PPP6C: variants seen among roughly 807,000 people sequenced by gnomAD.
PPP6C encodes the protein protein phosphatase 6 catalytic subunit, also known as serine/threonine-protein phosphatase 6 catalytic subunit.
In PPP6C, 11 loss-of-function variants were observed where a neutral mutation model predicts 39.8. The observed-to-expected ratio is 0.28, with a 90% CI of 0.17 to 0.46. The LOEUF (loss-of-function observed/expected upper bound fraction) is 0.46. Among genes scored for constraint, PPP6C ranks in the 20% least tolerant of loss-of-function variants. The pLI, the probability that PPP6C is intolerant of heterozygous loss-of-function variation, is 1.00. For missense variants in PPP6C, 211 were observed against 373.9 expected (o/e 0.56, Z 3.59); for synonymous variants, 129 against 130.3 (o/e 0.99, Z 0.07).
chr9:125,162,253 T>C lies in PPP6C; in HGVS notation c.172-1347A>G, dbSNP rs183229416. On this transcript the variant is annotated intron_variant, in intron 2 of 6. Transcript: ENST00000373547. ...CAGGCAGATCACTTGAGGTCAGGAG[T>C]TCAAGACCAGCTTAGCCAATGTGGT... is the stretch of plus-strand genomic sequence containing the variant. Among the ~76,000 whole-genome samples, 892 of 150,360 alleles carry C rather than the reference T, an allele frequency of 5.9e-3. 6 individuals carry two copies. The highest frequency in any genetic ancestry group is 8.9e-3 in the Non-Finnish European group (601 of 67,542).
rs958732833 is a variant in PPP6C, at chr9:125,149,485, T to C, written c.*188A>G. 8 of 675,580 alleles carry C rather than the reference T, an allele frequency of 1.2e-5. No individual in the cohort carries two copies. The highest frequency in any genetic ancestry group is 1.1e-4 in the African/African-American group (6 of 54,538). The allele number at this position is 675,580 out of a possible 1,614,324, so 41.8% of individuals were successfully genotyped here. A position where few individuals can be genotyped will look rare whatever the true frequency, so the allele number is the denominator to read the frequency against. On this transcript the variant is annotated 3_prime_UTR_variant, in exon 7 of 7. Transcript: ENST00000373547. Reference sequence around the variant, plus strand: ...TGGGGATGGGATGGGGGAAAATTGATAGAAAAACTTTGCTATAGACACCAC... The same window carrying C: ...TGGGGATGGGATGGGGGAAAATTGACAGAAAAACTTTGCTATAGACACCAC...
At chr9:125,188,822 A>T (rs560677311) in intron 1 of PPP6C, 382 of 475,884 alleles carry the variant, frequency 8.0e-4, no homozygotes, top group Non-Finnish European at 9.6e-4. Flanking sequence ...AATAATAATT[A>T]AAAAGTTTTA....
intron 4 of PPP6C, among the ~76,000 whole-genome samples, chr9:125,155,100 C>T (rs1327611873): frequency 1.3e-5 from 2 of 152,090 alleles, no homozygotes; most frequent in African/African-American, 2.4e-5. Context: ...AGATGGGGAT[C>T]TCCCTATGTT....
chr9:125,183,168 A>G (rs1446169389), intron 1 of PPP6C, among the ~76,000 whole-genome samples: 4 of 152,058 alleles, frequency 2.6e-5, no homozygotes, highest in African/African-American at 7.2e-5. Context: ...TACCTTCTTC[A>G]TTTCCTTTCC....
Position 125,179,172 on chromosome 9 carries a change from G to A in PPP6C, c.76-7992C>T, listed in dbSNP as rs1049766439. On this transcript the variant is annotated intron_variant, in intron 1 of 6. Transcript: ENST00000373547. ...AGAGGTTGCGGTGAGCTGAGATCGC[G>A]CCACTGCACTCCAGCCTAAGCAACA... is the stretch of plus-strand genomic sequence containing the variant. Among the ~76,000 whole-genome samples, 11 of 138,954 alleles carry A rather than the reference G, an allele frequency of 7.9e-5. No homozygotes were observed. The South Asian group carries it at 1.8e-3, about 23-fold the overall frequency. The allele number at this position is 138,954 out of a possible 152,430, so 91.2% of individuals were successfully genotyped here. A position where few individuals can be genotyped will look rare whatever the true frequency, so the allele number is the denominator to read the frequency against.
At position 125,149,525 on chromosome 9, in the gene PPP6C, T is replaced by G; in HGVS notation, c.*148A>C. Reference sequence around the variant, plus strand: ...ATAGACACCACAACAAACAATAAATTTAGATAATTTAAAATTTAAAAAAAA... The same window carrying G: ...ATAGACACCACAACAAACAATAAATGTAGATAATTTAAAATTTAAAAAAAA... On this transcript the variant is annotated 3_prime_UTR_variant, in exon 7 of 7. Transcript: ENST00000373547. 1 of 988,960 alleles carries G rather than the reference T, an allele frequency of 1.0e-6. No homozygotes were observed. The highest frequency in any genetic ancestry group is 1.4e-6 in the Non-Finnish European group (1 of 698,928). The allele number at this position is 988,960 out of a possible 1,614,324, so 61.3% of individuals were successfully genotyped here.
chr9:125,151,662 C>T (rs368264898), intron 6 of PPP6C: 30 of 569,486 alleles, frequency 5.3e-5, no homozygotes, highest in African/African-American at 1.9e-4. Flanking sequence ...TATTTGATGA[C>T]GAATTCAGCA....
chr9:125,153,865 T>C (rs376815790), intron 5 of PPP6C, 41 bp downstream of exon 5: 10 of 1,546,368 alleles, frequency 6.5e-6, no homozygotes, highest in African/African-American at 4.1e-5. Flanking sequence ...CAATGTGTTA[T>C]TGGCAGGAAC....
In PPP6C at chr9:125,173,619, TTTTAA is replaced by T. The variant is rs1829227802; in HGVS notation, c.76-2444_76-2440del. 2.6e-5 allele frequency among the ~76,000 whole-genome samples: 4 copies of T among 151,950 alleles called. No homozygotes were observed. The South Asian group carries it at 8.3e-4, about 32-fold the overall frequency. On this transcript the variant is annotated intron_variant, in intron 1 of 6. Transcript: ENST00000373547. ...AACAACAACAAAAAAGATGAGCCTT[TTTTAA>T]TTTTATTTTTTTGAGACAGAATCTC...
chr9:125,167,970 T>C (rs955712685), intron 2 of PPP6C, among the ~76,000 whole-genome samples: 2 of 151,982 alleles, frequency 1.3e-5, no homozygotes, highest in Non-Finnish European at 2.9e-5. Context: ...TTTCAAATAA[T>C]GGATATTCTA....
chr9:125,189,761 T>TAGCAGCGGCGGCGGC lies in PPP6C; in HGVS notation c.-58_-44dup. The TAGCAGCGGCGGCGGC allele has an allele frequency of 6.5e-7, 1 of 1,545,436 alleles. No individual in the cohort carries two copies. The highest frequency in any genetic ancestry group is 1.8e-4 in the Middle Eastern group (1 of 5,546). ...GCGGCAACAGCGGCGGCGGCGGCTG[T>TAGCAGCGGCGGCGGC]AGCAGCGGCGGCGGCAGCGGCGGAG... is the stretch of plus-strand genomic sequence containing the variant. On this transcript the variant is annotated 5_prime_UTR_variant, in exon 1 of 7. Coordinates refer to ENST00000373547, the MANE Select transcript of PPP6C (RefSeq NM_002721.5).
At chr9:125,175,103 G>A (rs761332342) in intron 1 of PPP6C, among the ~76,000 whole-genome samples, 3 of 151,708 alleles carry the variant, frequency 2.0e-5, no homozygotes, top group Non-Finnish European at 2.9e-5. Flanking sequence ...CTGTACTTGG[G>A]AGGCTGAGGC....
chr9:125,150,337 T>C (rs897862701), intron 6 of PPP6C, among the ~76,000 whole-genome samples: 2 of 152,206 alleles, frequency 1.3e-5, no homozygotes, highest in Admixed American at 1.3e-4. Flanking sequence ...ATAAATAACT[T>C]ATCTAAATTA....
At chr9:125,173,509 C>T (rs1015269752) in intron 1 of PPP6C, among the ~76,000 whole-genome samples, 1 of 150,872 alleles carries the variant, frequency 6.6e-6, no homozygotes, top group South Asian at 2.1e-4. Flanking sequence ...ACCCAGGAGA[C>T]AGAGGTTGCC....
chr9:125,150,595 C>G, intron 6 of PPP6C: 1 of 814,376 alleles, frequency 1.2e-6, no homozygotes, highest in Admixed American at 1.9e-5. Flanking sequence ...TGGTTGCAGT[C>G]TCTGCAGCAG....
chr9:125,187,287 CT>C (rs113668325), intron 1 of PPP6C, among the ~76,000 whole-genome samples: 2 of 149,486 alleles, frequency 1.3e-5, no homozygotes, highest in Non-Finnish European at 3.0e-5. Context: ...ATTTCCTTTT[CT>C]TTTTTTTTGA....
At chr9:125,167,389 A>AAAAAAAAAAAAAAAAAAAAAAAAAAAG (rs1554722081) in intron 2 of PPP6C, among the ~76,000 whole-genome samples, 14 of 137,998 alleles carry the variant, frequency 1.0e-4, no homozygotes, top group African/African-American at 3.6e-4. Flanking sequence ...CAAAAAAAAA[A>AAAAAAAAAAAAAAAAAAAAAAAAAAAG]AAAAAAAAAA....
intron 4 of PPP6C, among the ~76,000 whole-genome samples, chr9:125,155,260 G>A (rs1388343146): frequency 6.6e-6 from 1 of 151,618 alleles, no homozygotes; most frequent in African/African-American, 2.4e-5. Context: ...TGGAAGCTCT[G>A]TACTTTGGCT....
chr9:125,165,234 T>C (rs1390095836), intron 2 of PPP6C, among the ~76,000 whole-genome samples: 2 of 152,074 alleles, frequency 1.3e-5, no homozygotes, highest in Non-Finnish European at 2.9e-5. Flanking sequence ...AAATGAATTT[T>C]TAAAAATTAA....
Sources: allele counts gnomAD v4.1 joint callset (sites outside exome capture counted in the v4.1 genomes callset), GRCh38; gene constraint gnomAD v4.1.1; transcripts MANE v1.5; gene names NCBI Gene and HGNC (gene_info 2026-07-23, HGNC 2026-07-21).